Variants in HDHD2 observed in about 807,000 individuals in gnomAD.
The protein encoded by HDHD2 is haloacid dehalogenase like hydrolase domain containing 2, also known as haloacid dehalogenase-like hydrolase domain-containing protein 2.
Under a neutral mutation model 24.8 loss-of-function variants are expected in HDHD2, and 26 were observed. That is an observed-to-expected ratio of 1.05 (90% CI 0.77 to 1.45). HDHD2 has a LOEUF of 1.45. Among genes scored for constraint, HDHD2 ranks in the 40% most tolerant of loss-of-function variants. HDHD2 has a pLI of 0.00. For synonymous variants in HDHD2, 128 were observed against 114.9 expected (o/e 1.11, Z -0.73); for missense variants, 299 against 313.4 (o/e 0.95, Z 0.35).
At chr18:47,127,531 T>C (rs1372860424) in intron 4 of HDHD2, among the ~76,000 whole-genome samples, 2 of 152,168 alleles carry the variant, frequency 1.3e-5, no homozygotes, top group Non-Finnish European at 1.5e-5. Flanking sequence ...GTCTTGTTAA[T>C]ACTAAGTTCA....
At chr18:47,125,604 A>T (rs1299239954) in intron 4 of HDHD2, among the ~76,000 whole-genome samples, 1 of 152,264 alleles carries the variant, frequency 6.6e-6, no homozygotes, top group Non-Finnish European at 1.5e-5. Flanking sequence ...GTACTGGTAC[A>T]CGCAAAAACT....
At chr18:47,146,860 T>G (rs2063876091) in intron 1 of HDHD2, among the ~76,000 whole-genome samples, 1 of 152,120 alleles carries the variant, frequency 6.6e-6, no homozygotes, top group Non-Finnish European at 1.5e-5. Flanking sequence ...ATGATTACCC[T>G]CCAGAGGACA....
intron 1 of HDHD2, among the ~76,000 whole-genome samples, chr18:47,147,849 G>A (rs1053884273): frequency 2.6e-5 from 4 of 152,130 alleles, no homozygotes; most frequent in Non-Finnish European, 5.9e-5. Context: ...ACATATTTGA[G>A]AGTGACTGAC....
intron 4 of HDHD2, among the ~76,000 whole-genome samples, chr18:47,120,669 C>T (rs917389205): frequency 1.3e-5 from 2 of 152,174 alleles, no homozygotes; most frequent in African/African-American, 4.8e-5. Flanking sequence ...CCTATCTCGG[C>T]TTTCGACATG....
chr18:47,134,671 C>G lies in HDHD2; in HGVS notation c.135G>C (p.Val45=). 1.2e-6 allele frequency: 2 copies of G among 1,614,092 alleles called. No individual in the cohort carries two copies. Among genetic ancestry groups the G allele is most frequent in the Non-Finnish European group, 1.7e-6 (2 of 1,179,994 alleles). The change falls in exon 3 of 7, where the codon GTG becomes GTC. Residue 45 remains valine, a synonymous_variant. Transcript: ENST00000300605. Reference sequence around the variant, plus strand: ...GCTTGCTCTCTTTGGTTGTATTGGTCACAAACCTAATGATTACAGAAGCAC... The same window carrying G: ...GCTTGCTCTCTTTGGTTGTATTGGTGACAAACCTAATGATTACAGAAGCAC... The part of the protein sequence containing the change: ...LRGASVIIRF[V]TNTTKESKQD...
rs537995785 is a variant in HDHD2 at position 47,147,328 on chromosome 18, T to G, written c.-11+3050A>C. ...AATAGTCCACATGTTATTCTATTTC[T>G]GATCTTTATTGTGACCTTGAATTGA... On this transcript the variant is annotated intron_variant, in intron 1 of 6. Coordinates refer to ENST00000300605, the MANE Select transcript of HDHD2 (RefSeq NM_032124.5). Among the ~76,000 whole-genome samples the G allele has an allele frequency of 2.0e-5, 3 of 152,362 alleles. No individual in the cohort carries two copies. In the South Asian group the frequency reaches 6.2e-4, roughly 32 times the overall value.
At chr18:47,136,277 T>A in intron 2 of HDHD2, 62 bp downstream of exon 2, 1 of 1,598,976 alleles carries the variant, frequency 6.3e-7, no homozygotes, top group Non-Finnish European at 8.5e-7. Context: ...TAGCTAATGA[T>A]CTGCCGTGGT....
Position 47,108,626 on chromosome 18 carries a change from T to G in HDHD2, c.*56A>C. 4.3e-6 allele frequency: 4 copies of G among 932,876 alleles called. No homozygotes were observed. The highest frequency in any genetic ancestry group is 6.8e-6 in the Non-Finnish European group (4 of 584,076). 57.8% of individuals were successfully genotyped at this position (932,876 alleles called of 1,614,324 possible). On this transcript the variant is annotated 3_prime_UTR_variant, in exon 7 of 7. Coordinates refer to ENST00000300605, the MANE Select transcript of HDHD2 (RefSeq NM_032124.5). ...ATGCTGGCACTGAGTTGGTAAGGGA[T>G]TCATTCCAGACAATAAGAAGCTGCA...
intron 1 of HDHD2, among the ~76,000 whole-genome samples, chr18:47,148,837 GC>G (rs1342177093): frequency 6.6e-6 from 1 of 152,126 alleles, no homozygotes; most frequent in African/African-American, 2.4e-5. Context: ...CCTATTACCA[GC>G]CCTAAATTAT....
At position 47,136,419 on chromosome 18, in the gene HDHD2, T is replaced by C; in HGVS notation, c.21A>G (p.Leu7=). 1.2e-6 allele frequency: 2 copies of C among 1,612,914 alleles called. No individual in the cohort carries two copies. The highest frequency in any genetic ancestry group is 1.7e-6 in the Non-Finnish European group (2 of 1,179,890). Residue 7 remains leucine, a synonymous_variant, in exon 2 of 7, where the codon TTA becomes TTG. Transcript: ENST00000300605. The part of the protein sequence containing the change: MAACRA[L]KAVLVDLSGT... ...CACTGAGATCTACCAAAACAGCTTT[T>C]AATGCACGGCATGCTGCCATCCTTC...
intron 2 of HDHD2, 177 bp downstream of exon 2, chr18:47,136,162 A>G: frequency 1.4e-6 from 1 of 706,472 alleles, no homozygotes. Context: ...AAGGCTTAGA[A>G]AACAATGTTT....
Position 47,130,164 on chromosome 18 carries a change from A to G in HDHD2, c.395+80T>C. 3.5e-6 allele frequency: 3 copies of G among 864,710 alleles called. No individual in the cohort carries two copies. In the South Asian group the frequency reaches 4.9e-5, roughly 14 times the overall value. 53.6% of individuals were successfully genotyped at this position (864,710 alleles called of 1,614,324 possible). A position where few individuals can be genotyped will look rare whatever the true frequency, so the allele number is the denominator to read the frequency against. ...TAGGTGGCCAGAAAGTAAAACACAT[A>G]AACCCATTCATGACAATGACAAAAG... On this transcript the variant is annotated intron_variant, in intron 4 of 6. Coordinates refer to ENST00000300605, the MANE Select transcript of HDHD2 (RefSeq NM_032124.5).
intron 4 of HDHD2, among the ~76,000 whole-genome samples, chr18:47,121,445 A>G (rs140976369): frequency 4.3e-4 from 65 of 152,278 alleles, no homozygotes; most frequent in African/African-American, 1.5e-3. Flanking sequence ...AAATCCAGTA[A>G]TTTCCAATTT....
intron 1 of HDHD2, among the ~76,000 whole-genome samples, chr18:47,148,883 A>G (rs535484198): frequency 3.6e-4 from 55 of 152,372 alleles, no homozygotes; most frequent in Admixed American, 7.2e-4. Flanking sequence ...GTTAAGGACA[A>G]GAACAAAGGA....
intron 4 of HDHD2, among the ~76,000 whole-genome samples, chr18:47,125,529 T>G (rs943019135): frequency 6.6e-6 from 1 of 152,130 alleles, no homozygotes; most frequent in African/African-American, 2.4e-5. Context: ...TTGTGGAATA[T>G]TCATATAATA....
chr18:47,117,881 C>G (rs774634643), intron 4 of HDHD2, among the ~76,000 whole-genome samples: 1 of 151,884 alleles, frequency 6.6e-6, no homozygotes, highest in African/African-American at 2.4e-5. Context: ...TTGCAGTGGT[C>G]TGCAACCAAC....
At chr18:47,120,643 G>C (rs1809399989) in intron 4 of HDHD2, among the ~76,000 whole-genome samples, 1 of 152,160 alleles carries the variant, frequency 6.6e-6, no homozygotes, top group African/African-American at 2.4e-5. Context: ...TTTGGCACGA[G>C]AGACCTAGCT....
At chr18:47,132,050 T>G (rs2063718268) in intron 3 of HDHD2, among the ~76,000 whole-genome samples, 1 of 152,202 alleles carries the variant, frequency 6.6e-6, no homozygotes, top group African/African-American at 2.4e-5. Context: ...CCTCCTATCT[T>G]GATCCATCCC....
Position 47,130,229 on chromosome 18 carries a change from A to G in HDHD2, c.395+15T>C. 1 of 1,490,548 alleles carries G rather than the reference A, an allele frequency of 6.7e-7. No individual in the cohort carries two copies. Among genetic ancestry groups the G allele is most frequent in the Non-Finnish European group, 9.3e-7 (1 of 1,075,154 alleles). The allele number at this position is 1,490,548 out of a possible 1,614,324, so 92.3% of individuals were successfully genotyped here. On this transcript the variant is annotated intron_variant, in intron 4 of 6. Coordinates refer to ENST00000300605, the MANE Select transcript of HDHD2 (RefSeq NM_032124.5). Reference sequence around the variant, plus strand: ...AACTATTATGATCAGATGAAAAATAAATAGCTAGGTTTACCGGAATGCTTG... The same window carrying G: ...AACTATTATGATCAGATGAAAAATAGATAGCTAGGTTTACCGGAATGCTTG...
Sources: allele counts gnomAD v4.1 joint callset (sites outside exome capture counted in the v4.1 genomes callset), GRCh38; gene constraint gnomAD v4.1.1; transcripts MANE v1.5; gene names NCBI Gene and HGNC (gene_info 2026-07-23, HGNC 2026-07-21).